ARNT: variants seen among roughly 807,000 people sequenced by gnomAD.
ARNT encodes the protein class E basic helix-loop-helix protein 2.
In ARNT, 30 loss-of-function variants were observed where a neutral mutation model predicts 105.0. The ratio of observed to expected loss-of-function variants is 0.29; its 90% confidence interval spans 0.21 to 0.39. The LOEUF is 0.39. Among genes scored for constraint, ARNT ranks in the 10% least tolerant of loss-of-function variants. ARNT has a pLI of 1.00. For synonymous variants in ARNT, 304 were observed against 344.0 expected (o/e 0.88, Z 1.29); for missense variants, 748 against 978.7 (o/e 0.76, Z 3.15).
At chr1:150,840,158 T>C (rs1661016273) in intron 5 of ARNT, among the ~76,000 whole-genome samples, 1 of 152,064 alleles carries the variant, frequency 6.6e-6, no homozygotes, top group South Asian at 2.1e-4. Context: ...GGAGAATCAC[T>C]TGAATCTGGG....
chr1:150,866,265 G>A (rs587617818), intron 1 of ARNT, among the ~76,000 whole-genome samples: 7 of 49,844 alleles, frequency 1.4e-4, no homozygotes, highest in African/African-American at 3.1e-4. Flanking sequence ...TTACAGGCGT[G>A]AGCCACCAAG....
intron 4 of ARNT, among the ~76,000 whole-genome samples, chr1:150,845,810 G>A (rs1419229075): frequency 6.6e-6 from 1 of 151,716 alleles, no homozygotes. Context: ...GCTGAGGCAG[G>A]AGAATCGCTT....
At chr1:150,868,378 A>C (rs1374736825) in intron 1 of ARNT, among the ~76,000 whole-genome samples, 3 of 152,152 alleles carry the variant, frequency 2.0e-5, no homozygotes, top group Non-Finnish European at 4.4e-5. Context: ...AGAGAAAGAA[A>C]CAAGCAGAAA....
intron 19 of ARNT, 67 bp from the exon 20 acceptor site, chr1:150,814,306 A>G (rs895680747): frequency 6.0e-6 from 9 of 1,495,846 alleles, no homozygotes; most frequent in Middle Eastern, 4.0e-4. Flanking sequence ...TACCATGCCT[A>G]TGAGAGTCAA....
At chr1:150,826,383 T>G (rs1031950357) in intron 13 of ARNT, among the ~76,000 whole-genome samples, 160 bp downstream of exon 13, 1 of 152,218 alleles carries the variant, frequency 6.6e-6, no homozygotes, top group Admixed American at 6.5e-5. Context: ...TATCCATAAT[T>G]TCAAAGTATT....
At chr1:150,845,268 C>T (rs1232471091) in intron 4 of ARNT, among the ~76,000 whole-genome samples, 6 of 151,800 alleles carry the variant, frequency 4.0e-5, no homozygotes, top group Non-Finnish European at 7.4e-5. Context: ...CTGGGAAACA[C>T]AATGAAAACA....
At chr1:150,858,211 T>C (rs1412889338) in intron 2 of ARNT, 138 bp downstream of exon 2, 18 of 608,964 alleles carry the variant, frequency 3.0e-5, no homozygotes, top group Middle Eastern at 2.7e-4. Flanking sequence ...AGGAGACTTA[T>C]ATGACAGTAG....
chr1:150,871,299 T>G (rs1238227378), intron 1 of ARNT, among the ~76,000 whole-genome samples: 2 of 145,564 alleles, frequency 1.4e-5, no homozygotes, highest in East Asian at 2.0e-4. Flanking sequence ...TCGTGGTTTT[T>G]TTTTTTTTTT....
At chr1:150,840,899 G>A (rs1052651735) in intron 5 of ARNT, among the ~76,000 whole-genome samples, 1 of 151,048 alleles carries the variant, frequency 6.6e-6, no homozygotes, top group African/African-American at 2.4e-5. Context: ...CATGCAACAT[G>A]CTGCATTTCT....
chr1:150,832,416 A>G lies in ARNT; in HGVS notation c.804-17T>C, dbSNP rs916618783. On this transcript the variant is annotated splice_polypyrimidine_tract_variant and intron_variant, in intron 8 of 21. Transcript: ENST00000358595. ...CTGCCACACCTGTTTCAAGGAATAAAGAGATTAAAAGCAATCAGACTGCCC... is the reference window on the plus strand; with the variant it reads ...CTGCCACACCTGTTTCAAGGAATAAGGAGATTAAAAGCAATCAGACTGCCC... The G allele has an allele frequency of 1.4e-5, 23 of 1,613,716 alleles. No individual in the cohort carries two copies. The highest frequency in any genetic ancestry group is 1.9e-5 in the Non-Finnish European group (22 of 1,179,714).
intron 1 of ARNT, among the ~76,000 whole-genome samples, chr1:150,875,249 C>A (rs753495384): frequency 2.0e-5 from 3 of 151,978 alleles, no homozygotes; most frequent in Non-Finnish European, 4.4e-5. Flanking sequence ...AATTTTACCT[C>A]CCTTTCCTTC....
chr1:150,836,960 G>A lies in ARNT; in HGVS notation c.487-467C>T, dbSNP rs181375328. On this transcript the variant is annotated intron_variant, in intron 6 of 21. Coordinates refer to ENST00000358595, the MANE Select transcript of ARNT (RefSeq NM_001668.4). ...ACACGCCTGTAGTCCCAGCTACTCC[G>A]GAGGCTGAGGTGGGAGGATCACCTG... Among the ~76,000 whole-genome samples, 1,294 of 152,186 alleles carry A rather than the reference G, an allele frequency of 8.5e-3. 9 individuals are homozygous for A. Among genetic ancestry groups the A allele is most frequent in the Non-Finnish European group, 0.014 (968 of 68,000 alleles).
At chr1:150,821,800 C>T (rs1167866066) in intron 14 of ARNT, among the ~76,000 whole-genome samples, 1 of 151,156 alleles carries the variant, frequency 6.6e-6, no homozygotes, top group Non-Finnish European at 1.5e-5. Context: ...AGGCGTGTGC[C>T]ACCATGCCCA....
At chr1:150,813,138 C>G in intron 21 of ARNT, 34 bp downstream of exon 21, 1 of 1,600,048 alleles carries the variant, frequency 6.2e-7, no homozygotes, top group Non-Finnish European at 8.5e-7. Context: ...TCTCTCCCAG[C>G]TTCTAATTTT....
intron 7 of ARNT, among the ~76,000 whole-genome samples, 182 bp downstream of exon 7, chr1:150,836,098 G>A (rs1040344628): frequency 2.6e-5 from 4 of 152,046 alleles, no homozygotes; most frequent in Non-Finnish European, 1.5e-5. Context: ...ATTTTCTAAG[G>A]CTGAGCCACA....
intron 13 of ARNT, 26 bp downstream of exon 13, chr1:150,826,517 C>T: frequency 6.3e-7 from 1 of 1,582,866 alleles, no homozygotes; most frequent in Non-Finnish European, 8.7e-7. Context: ...AATATTTATT[C>T]AGAACCAAAC....
At chr1:150,858,514 A>T in intron 1 of ARNT, 54 bp from the exon 2 acceptor site, 2 of 1,336,092 alleles carry the variant, frequency 1.5e-6, no homozygotes, top group Non-Finnish European at 2.1e-6. Flanking sequence ...CTTGCTTATC[A>T]TCAGTATCAT....
intron 1 of ARNT, among the ~76,000 whole-genome samples, chr1:150,871,958 A>G (rs1263337496): frequency 2.0e-5 from 3 of 146,778 alleles, no homozygotes; most frequent in African/African-American, 7.5e-5. Flanking sequence ...ATAAAATACT[A>G]TCTCTTTTTT....
chr1:150,827,279 C>T (rs1889740), intron 12 of ARNT, among the ~76,000 whole-genome samples: 63,573 of 151,974 alleles, frequency 0.42, 13,741 homozygotes, highest in South Asian at 0.54. Flanking sequence ...AATCCAGTTT[C>T]AGAACACATT....
Sources: gnomAD v4.1 joint callset for allele counts (sites outside exome capture counted in the v4.1 genomes callset) on GRCh38, gnomAD v4.1.1 for gene constraint, MANE v1.5 for transcripts, NCBI Gene and HGNC (gene_info 2026-07-23, HGNC 2026-07-21) for gene names.